The following CFAP69 variants were observed in gnomAD, a reference collection of about 807,000 sequenced individuals.
The protein encoded by CFAP69 is cilia- and flagella-associated protein 69.
Under a neutral mutation model 123.0 loss-of-function variants are expected in CFAP69, and 92 were observed. The ratio of observed to expected loss-of-function variants is 0.75; its 90% CI spans 0.63 to 0.89. The LOEUF is 0.89. CFAP69 is among the 40% of genes least tolerant of loss of function. CFAP69 has a pLI of 0.00. For synonymous variants in CFAP69, 380 were observed against 364.3 expected (o/e 1.04, Z -0.49); for missense variants, 1,067 against 1,096.9 (o/e 0.97, Z 0.39).
chr7:90,288,434 T>A, intron 15 of CFAP69, 82 bp downstream of exon 15: 1 of 1,483,492 alleles, frequency 6.7e-7, no homozygotes, highest in Non-Finnish European at 9.2e-7. Flanking sequence ...TTCTGAGAAA[T>A]GTTTCCTTAG....
At chr7:90,274,799 C>A (rs1026467357) in intron 9 of CFAP69, among the ~76,000 whole-genome samples, 1 of 152,110 alleles carries the variant, frequency 6.6e-6, no homozygotes, top group Non-Finnish European at 1.5e-5. Context: ...AAGGTGAGAT[C>A]TCCTTTGTAT....
intron 1 of CFAP69, among the ~76,000 whole-genome samples, chr7:90,250,380 A>C (rs1796868777): frequency 6.6e-6 from 1 of 152,206 alleles, no homozygotes; most frequent in South Asian, 2.1e-4. Flanking sequence ...AGTTTCATTA[A>C]GAGGGATAAT....
chr7:90,252,338 A>C lies in CFAP69; in HGVS notation c.121-3085A>C, dbSNP rs573265464. ...AATGGTAACATAAGACCAGGTATAG[A>C]TTAGTATTTAGTAAATCCTTTTTAA... On this transcript the variant is annotated intron_variant, in intron 1 of 22. Coordinates refer to ENST00000389297, the MANE Select transcript of CFAP69 (RefSeq NM_001039706.3). Among the ~76,000 whole-genome samples, 8 of 152,284 alleles carry C rather than the reference A, an allele frequency of 5.3e-5. No individual in the cohort carries two copies. In the East Asian group the frequency reaches 1.5e-3, roughly 29 times the overall value.
At chr7:90,294,638 T>C (rs1791666264) in intron 15 of CFAP69, among the ~76,000 whole-genome samples, 1 of 152,124 alleles carries the variant, frequency 6.6e-6, no homozygotes, top group Non-Finnish European at 1.5e-5. Context: ...GTTTTAGTTT[T>C]TTGGGGGACT....
In CFAP69 at chr7:90,310,216, C is replaced by CA. The variant is rs1309833298; in HGVS notation, c.2810dup (p.Ser938GlufsTer14). On this transcript the variant is annotated frameshift_variant, in exon 23 of 23. Coordinates refer to ENST00000389297, the MANE Select transcript of CFAP69 (RefSeq NM_001039706.3). LOFTEE classifies it high-confidence loss of function. ...AAAGCAGTTAAAATTGTGGATGCAC[C>CA]AAAAAAGAGTATTCCTACGTAATAT... 5 of 1,609,332 alleles carry CA rather than the reference C, an allele frequency of 3.1e-6. No homozygotes were observed. The highest frequency in any genetic ancestry group is 4.2e-6 in the Non-Finnish European group (5 of 1,178,360).
chr7:90,316,117 C>T, the CFAP69 span, among the ~76,000 whole-genome samples: 1 of 151,892 alleles, frequency 6.6e-6, no homozygotes, highest in Non-Finnish European at 1.5e-5. Flanking sequence ...AATAAAGATT[C>T]GATAGAAACA....
intron 20 of CFAP69, among the ~76,000 whole-genome samples, 158 bp downstream of exon 20, chr7:90,307,256 G>T (rs1053764592): frequency 2.0e-5 from 3 of 152,108 alleles, no homozygotes; most frequent in Non-Finnish European, 4.4e-5. Flanking sequence ...AGAAGACTTG[G>T]AATGCTCCTA....
intron 6 of CFAP69, among the ~76,000 whole-genome samples, chr7:90,269,786 C>T (rs562263208): frequency 1.8e-4 from 27 of 152,050 alleles, no homozygotes; most frequent in Non-Finnish European, 3.4e-4. Context: ...TGGAGAACAG[C>T]TCAGCTAGTG....
At chr7:90,254,999 A>G (rs993590193) in intron 1 of CFAP69, among the ~76,000 whole-genome samples, 1 of 152,220 alleles carries the variant, frequency 6.6e-6, no homozygotes, top group African/African-American at 2.4e-5. Flanking sequence ...GACTGGAAGA[A>G]TGCTGGTACT....
At chr7:90,266,894 A>G (rs543898214) in intron 5 of CFAP69, among the ~76,000 whole-genome samples, 1 of 152,356 alleles carries the variant, frequency 6.6e-6, no homozygotes, top group East Asian at 1.9e-4. Context: ...TGATACATAG[A>G]TATTTCTGAC....
chr7:90,257,079 T>G (rs919995510), intron 2 of CFAP69, among the ~76,000 whole-genome samples: 2 of 152,232 alleles, frequency 1.3e-5, no homozygotes, highest in Non-Finnish European at 2.9e-5. Flanking sequence ...TGTTTCAGCT[T>G]GTGTTTCCTA....
At position 90,304,932 on chromosome 7, in the gene CFAP69, T is replaced by C. The variant is rs529794469; in HGVS notation, c.2265+112T>C. On this transcript the variant is annotated intron_variant, in intron 19 of 22. Coordinates refer to ENST00000389297, the MANE Select transcript of CFAP69 (RefSeq NM_001039706.3). ...CAATCATCTACATACTGTATAGTTTTTATTTTTCATTTTGCATCTGATGCT... is the reference window on the plus strand; with the variant it reads ...CAATCATCTACATACTGTATAGTTTCTATTTTTCATTTTGCATCTGATGCT... The C allele has an allele frequency of 3.1e-4, 247 of 788,002 alleles. 7 individuals are homozygous for C. In the South Asian group the frequency reaches 4.9e-3, roughly 16 times the overall value. 48.8% of individuals were successfully genotyped at this position (788,002 alleles called of 1,614,324 possible). A position where few individuals can be genotyped will look rare whatever the true frequency, so the allele number is the denominator to read the frequency against.
At chr7:90,297,139 T>C (rs1008355839) in intron 15 of CFAP69, among the ~76,000 whole-genome samples, 3 of 152,206 alleles carry the variant, frequency 2.0e-5, no homozygotes, top group African/African-American at 7.2e-5. Flanking sequence ...TACTGTCATG[T>C]GATGCTATAC....
At chr7:90,256,788 G>A (rs1473607005) in intron 2 of CFAP69, among the ~76,000 whole-genome samples, 2 of 152,140 alleles carry the variant, frequency 1.3e-5, no homozygotes, top group Non-Finnish European at 2.9e-5. Context: ...GTGCCTATTA[G>A]CTGTTTAATA....
At chr7:90,278,720 A>G (rs1788980926) in intron 11 of CFAP69, among the ~76,000 whole-genome samples, 1 of 152,096 alleles carries the variant, frequency 6.6e-6, no homozygotes. Flanking sequence ...GTGTCACATA[A>G]TTTGTGGTCC....
chr7:90,317,794 T>C, the CFAP69 span: 1 of 152,180 alleles, frequency 6.6e-6, no homozygotes, highest in Non-Finnish European at 1.5e-5. Flanking sequence ...ACTTGTTCAG[T>C]ATTATTTTAG....
chr7:90,298,499 G>T (rs965038354), intron 16 of CFAP69, among the ~76,000 whole-genome samples: 4 of 152,194 alleles, frequency 2.6e-5, no homozygotes, highest in African/African-American at 9.7e-5. Context: ...CCCGCTCCCT[G>T]TCCGTGATTC....
chr7:90,287,111 A>AATATATCC (rs1271074611), intron 14 of CFAP69, among the ~76,000 whole-genome samples: 1 of 151,784 alleles, frequency 6.6e-6, no homozygotes, highest in African/African-American at 2.4e-5. Flanking sequence ...AAAAGATAGA[A>AATATATCC]ATATATCCAT....
At chr7:90,277,397 T>G (rs1232231440) in intron 11 of CFAP69, 63 bp downstream of exon 11, 2 of 1,274,846 alleles carry the variant, frequency 1.6e-6, no homozygotes, top group South Asian at 2.0e-5. Flanking sequence ...ATAACTATTT[T>G]AAAGTCTTGA....
Sources: allele counts gnomAD v4.1 joint callset (sites outside exome capture counted in the v4.1 genomes callset), GRCh38; gene constraint gnomAD v4.1.1; transcripts MANE v1.5; gene names NCBI Gene and HGNC (gene_info 2026-07-23, HGNC 2026-07-21).